GNB4: variants seen among roughly 807,000 people sequenced by gnomAD.
GNB4 encodes G protein subunit beta 4.
A neutral mutation model predicts 45.2 loss-of-function variants in GNB4; 28 were observed. The ratio of observed to expected loss-of-function variants is 0.62; its 90% CI spans 0.46 to 0.85. GNB4 has a LOEUF of 0.85. Ranked by LOEUF, GNB4 falls within the 40% of genes least tolerant of loss-of-function variation. GNB4 has a pLI of 0.00. For missense variants in GNB4, 321 were observed against 425.4 expected (o/e 0.75, Z 2.16); for synonymous variants, 132 against 143.7 (o/e 0.92, Z 0.58).
chr3:179,439,608 A>G (rs1307371886), intron 1 of GNB4, among the ~76,000 whole-genome samples: 1 of 152,242 alleles, frequency 6.6e-6, no homozygotes, highest in Admixed American at 6.5e-5. Flanking sequence ...GACATAGGAC[A>G]GGACTCAAAA....
rs777599125 is a variant in GNB4, at chr3:179,419,472, G to T, written c.130C>A (p.Gln44Lys). Residue 44 changes from glutamine to lysine, a missense_variant, in exon 4 of 10, where the codon CAA (glutamine) becomes AAA (lysine). Gln to Lys is a moderately conservative substitution (Grantham distance 53). Coordinates refer to ENST00000232564, the MANE Select transcript of GNB4 (RefSeq NM_021629.4). ...TSNMDSVGRI[Q>K]MRTRRTLRGH... ...CTCAGTGTACGTCTTGTTCGCATTTGTATTCGACCCACAGAGTCCATATTT... is the reference window on the plus strand; with the variant it reads ...CTCAGTGTACGTCTTGTTCGCATTTTTATTCGACCCACAGAGTCCATATTT... 6.2e-7 allele frequency: 1 copy of T among 1,612,154 alleles called. No homozygotes were observed. The highest frequency in any genetic ancestry group is 8.5e-7 in the Non-Finnish European group (1 of 1,178,272).
At chr3:179,503,443 G>A in the GNB4 span, among the ~76,000 whole-genome samples, 7 of 152,078 alleles carry the variant, frequency 4.6e-5, no homozygotes, top group African/African-American at 1.7e-4. Context: ...AAACTTTCAC[G>A]ATAAAATATT....
At chr3:179,422,705 C>T (rs537128228) in intron 2 of GNB4, among the ~76,000 whole-genome samples, 1 of 152,214 alleles carries the variant, frequency 6.6e-6, no homozygotes, top group African/African-American at 2.4e-5. Flanking sequence ...TATTATAATA[C>T]ATAGCATACA....
At chr3:179,511,349 G>C in the GNB4 span, among the ~76,000 whole-genome samples, 2 of 152,198 alleles carry the variant, frequency 1.3e-5, no homozygotes, top group East Asian at 3.8e-4. Flanking sequence ...TCCCTACCCA[G>C]AGCAGGCACT....
chr3:179,487,886 C>A, the GNB4 span, among the ~76,000 whole-genome samples: 2 of 151,890 alleles, frequency 1.3e-5, no homozygotes, highest in African/African-American at 4.8e-5. Flanking sequence ...CCCATCTCTA[C>A]CAAAAAATAC....
chr3:179,512,450 T>C, the GNB4 span, among the ~76,000 whole-genome samples: 3 of 152,194 alleles, frequency 2.0e-5, no homozygotes, highest in Non-Finnish European at 4.4e-5. Context: ...TGCATAGCTT[T>C]CTACTGCCAT....
At chr3:179,408,526 C>T (rs1714545353) in intron 8 of GNB4, among the ~76,000 whole-genome samples, 2 of 152,074 alleles carry the variant, frequency 1.3e-5, no homozygotes, top group Admixed American at 6.6e-5. Flanking sequence ...TGCGGTGGCT[C>T]ACGCCTTTAA....
chr3:179,443,458 G>A (rs976661133), intron 1 of GNB4, among the ~76,000 whole-genome samples: 1 of 152,002 alleles, frequency 6.6e-6, no homozygotes, highest in Admixed American at 6.6e-5. Flanking sequence ...AGAATCTTTT[G>A]AGCCTGGGAG....
intron 6 of GNB4, 130 bp downstream of exon 6, chr3:179,414,755 A>G (rs561622610): frequency 2.4e-4 from 147 of 602,702 alleles, no homozygotes; most frequent in Non-Finnish European, 3.5e-4. Flanking sequence ...TCCTTTGTTC[A>G]TAATAATTTC....
At chr3:179,465,650 T>A in the GNB4 span, among the ~76,000 whole-genome samples, 1 of 152,092 alleles carries the variant, frequency 6.6e-6, no homozygotes, top group African/African-American at 2.4e-5. Flanking sequence ...ATAAAACACA[T>A]CTGTCTGGTG....
chr3:179,443,993 A>C (rs567287487), intron 1 of GNB4, among the ~76,000 whole-genome samples: 2 of 152,270 alleles, frequency 1.3e-5, no homozygotes, highest in South Asian at 2.1e-4. Context: ...TTTTTATCCT[A>C]CAACACTCTC....
the GNB4 span, among the ~76,000 whole-genome samples, chr3:179,488,629 A>G: frequency 6.6e-6 from 1 of 152,104 alleles, no homozygotes; most frequent in Non-Finnish European, 1.5e-5. Context: ...TGCTCTAACT[A>G]TAAAGTATAG....
chr3:179,492,871 A>G, the GNB4 span, among the ~76,000 whole-genome samples: 10 of 152,192 alleles, frequency 6.6e-5, no homozygotes, highest in African/African-American at 2.4e-4. Flanking sequence ...ACTGAAGTCC[A>G]CAACATCCTT....
At chr3:179,450,597 C>T (rs894277745) in intron 1 of GNB4, among the ~76,000 whole-genome samples, 2 of 152,114 alleles carry the variant, frequency 1.3e-5, no homozygotes, top group East Asian at 3.8e-4. Context: ...GAAAAGGGAA[C>T]ACAAGGAGAC....
the GNB4 span, among the ~76,000 whole-genome samples, chr3:179,501,052 A>C: frequency 2.0e-5 from 3 of 152,202 alleles, no homozygotes; most frequent in Non-Finnish European, 2.9e-5. Context: ...TGACTCTCTC[A>C]GTTGAGTAAG....
At chr3:179,408,551 G>T (rs1245056129) in intron 8 of GNB4, among the ~76,000 whole-genome samples, 1 of 152,164 alleles carries the variant, frequency 6.6e-6, no homozygotes, top group Non-Finnish European at 1.5e-5. Context: ...AGCATTTTGG[G>T]AGGCCGAGGC....
chr3:179,470,520 A>T, the GNB4 span, among the ~76,000 whole-genome samples: 27 of 150,308 alleles, frequency 1.8e-4, no homozygotes, highest in Non-Finnish European at 2.4e-4. Context: ...GAAAGAAAAA[A>T]ATATATATAT....
chr3:179,522,884 G>T, the GNB4 span, among the ~76,000 whole-genome samples: 1 of 152,152 alleles, frequency 6.6e-6, no homozygotes, highest in East Asian at 1.9e-4. Context: ...TGTTGTGTAG[G>T]AATTTTGACC....
intron 1 of GNB4, chr3:179,450,983 G>C (rs939087986): frequency 6.6e-6 from 1 of 152,274 alleles, no homozygotes; most frequent in African/African-American, 2.4e-5. Flanking sequence ...GCACGGGCTC[G>C]TGCTCTGAGT....
Sources: allele counts gnomAD v4.1 joint callset (sites outside exome capture counted in the v4.1 genomes callset), GRCh38; gene constraint gnomAD v4.1.1; transcripts MANE v1.5; gene names NCBI Gene and HGNC (gene_info 2026-07-23, HGNC 2026-07-21).